Variants in KANSL1 observed in about 807,000 individuals in gnomAD.
KANSL1 encodes the protein MLL1/MLL complex subunit KANSL1.
In KANSL1, 22 loss-of-function variants were observed where a neutral mutation model predicts 103.6. That is an observed-to-expected ratio of 0.21 (90% confidence interval 0.15 to 0.30). The LOEUF is 0.30. Among genes scored for constraint, KANSL1 ranks in the 10% least tolerant of loss-of-function variants. The probability of loss-of-function intolerance (pLI) is 1.00; values close to 1 mark genes in which losing one functional copy is unlikely to be tolerated. For missense variants in KANSL1, 1,337 were observed against 1,399.8 expected (o/e 0.96, Z 0.72); for synonymous variants, 600 against 527.6 (o/e 1.14, Z -1.88).
intron 2 of KANSL1, among the ~76,000 whole-genome samples, chr17:46,161,709 A>T (rs1421145077): frequency 6.6e-6 from 1 of 152,226 alleles, no homozygotes; most frequent in East Asian, 1.9e-4. Context: ...TTATAAGAAC[A>T]TGATTTTAAA....
chr17:46,083,124 A>G (rs879447568), intron 3 of KANSL1, among the ~76,000 whole-genome samples: 2 of 152,172 alleles, frequency 1.3e-5, no homozygotes, highest in Non-Finnish European at 2.9e-5. Context: ...TCAAATTCAG[A>G]CCTTTGGAAA....
intron 2 of KANSL1, among the ~76,000 whole-genome samples, chr17:46,153,999 C>T (rs929183844): frequency 6.6e-6 from 1 of 152,124 alleles, no homozygotes; most frequent in African/African-American, 2.4e-5. Flanking sequence ...CTCAACTATA[C>T]CCCCCTCTAA....
chr17:46,161,350 G>A (rs1179763534), intron 2 of KANSL1, among the ~76,000 whole-genome samples: 3 of 151,862 alleles, frequency 2.0e-5, no homozygotes, highest in Non-Finnish European at 2.9e-5. Flanking sequence ...GCAGGAGAAT[G>A]GCGTGAACCT....
chr17:46,109,931 T>G (rs1400405692), intron 2 of KANSL1, among the ~76,000 whole-genome samples: 1 of 152,230 alleles, frequency 6.6e-6, no homozygotes, highest in Admixed American at 6.5e-5. Context: ...AATTCCAGCA[T>G]GCACAGCAAA....
At chr17:46,047,512 C>T (rs1048447675) in intron 7 of KANSL1, among the ~76,000 whole-genome samples, 5 of 152,082 alleles carry the variant, frequency 3.3e-5, no homozygotes, top group Non-Finnish European at 7.4e-5. Flanking sequence ...TCAGGCCGGG[C>T]GTGGTGGTTT....
chr17:46,167,787 T>C (rs1028026923), intron 2 of KANSL1, among the ~76,000 whole-genome samples: 2 of 152,200 alleles, frequency 1.3e-5, no homozygotes, highest in Non-Finnish European at 2.9e-5. Context: ...CATAGAAAAA[T>C]TAATCATTCT....
At chr17:46,159,338 G>A (rs2045608931) in intron 2 of KANSL1, among the ~76,000 whole-genome samples, 1 of 152,210 alleles carries the variant, frequency 6.6e-6, no homozygotes, top group African/African-American at 2.4e-5. Context: ...CTTAACAGTT[G>A]TCCAGAATTC....
At chr17:46,072,830 A>G (rs1371652918) in intron 4 of KANSL1, among the ~76,000 whole-genome samples, 1 of 152,218 alleles carries the variant, frequency 6.6e-6, no homozygotes, top group Non-Finnish European at 1.5e-5. Context: ...TAAAGTTTTG[A>G]TTAGCATAAT....
chr17:46,086,705 G>A (rs746669557), intron 3 of KANSL1, among the ~76,000 whole-genome samples: 1 of 152,172 alleles, frequency 6.6e-6, no homozygotes, highest in Non-Finnish European at 1.5e-5. Flanking sequence ...TGTAATTCCA[G>A]CACTTTGGGA....
intron 3 of KANSL1, among the ~76,000 whole-genome samples, chr17:46,091,684 C>G (rs1465866103): frequency 1.3e-5 from 2 of 152,118 alleles, no homozygotes; most frequent in African/African-American, 2.4e-5. Context: ...TAATTGCCTA[C>G]AGTATTCAGT....
intron 10 of KANSL1, among the ~76,000 whole-genome samples, chr17:46,036,436 G>GT (rs1349036608): frequency 2.0e-5 from 3 of 152,166 alleles, no homozygotes. Flanking sequence ...GAAAAAAATT[G>GT]TGTCTGTACT....
intron 1 of KANSL1, among the ~76,000 whole-genome samples, chr17:46,189,703 G>C (rs932435425): frequency 5.3e-5 from 8 of 152,090 alleles, no homozygotes; most frequent in African/African-American, 1.7e-4. Flanking sequence ...GGCCAACATG[G>C]TGAAACCCCC....
chr17:46,112,724 A>T lies in KANSL1; in HGVS notation c.1290-18023T>A, dbSNP rs1232752880. On this transcript the variant is annotated intron_variant, in intron 2 of 14. Transcript: ENST00000432791. Reference sequence around the variant, plus strand: ...ACAAAACAAAAAACTGGGCAGATAAATTTTTTTTTTTTTTGAGATGGAGTG... The same window carrying T: ...ACAAAACAAAAAACTGGGCAGATAATTTTTTTTTTTTTTTGAGATGGAGTG... Among the ~76,000 whole-genome samples, 7 of 145,874 alleles carry T rather than the reference A, an allele frequency of 4.8e-5. No homozygotes were observed. The East Asian group carries it at 1.0e-3, about 21-fold the overall frequency.
chr17:46,167,073 G>GGA (rs989345027), intron 2 of KANSL1, among the ~76,000 whole-genome samples: 4 of 150,654 alleles, frequency 2.7e-5, no homozygotes. Context: ...AAAAAACTTA[G>GGA]GAGAGAGAGA....
chr17:46,118,072 AG>A (rs1349849504), intron 2 of KANSL1, among the ~76,000 whole-genome samples: 2 of 152,270 alleles, frequency 1.3e-5, no homozygotes, highest in East Asian at 3.9e-4. Flanking sequence ...CCCCCACCCC[AG>A]AAAAAGTCCA....
At chr17:46,102,668 A>C (rs938790617) in intron 2 of KANSL1, among the ~76,000 whole-genome samples, 1 of 152,194 alleles carries the variant, frequency 6.6e-6, no homozygotes, top group African/African-American at 2.4e-5. Flanking sequence ...AAATTTGTGT[A>C]GTTTTGGTAG....
chr17:46,079,876 C>T (rs937525187), intron 4 of KANSL1, among the ~76,000 whole-genome samples: 1 of 152,132 alleles, frequency 6.6e-6, no homozygotes, highest in Middle Eastern at 3.4e-3. Context: ...ACTTGGGAAG[C>T]TGAGGTGGGA....
At chr17:46,098,206 T>C (rs2042163414) in intron 2 of KANSL1, among the ~76,000 whole-genome samples, 1 of 150,418 alleles carries the variant, frequency 6.6e-6, no homozygotes, top group African/African-American at 2.5e-5. Context: ...TTAACCCTCG[T>C]ATTTTATTCC....
At chr17:46,180,196 A>C (rs2046717399) in intron 1 of KANSL1, among the ~76,000 whole-genome samples, 1 of 152,118 alleles carries the variant, frequency 6.6e-6, no homozygotes, top group Non-Finnish European at 1.5e-5. Context: ...CTTAATTCAG[A>C]CTTAAAGACA....
Sources: gnomAD v4.1 joint callset for allele counts (sites outside exome capture counted in the v4.1 genomes callset) on GRCh38, gnomAD v4.1.1 for gene constraint, MANE v1.5 for transcripts, NCBI Gene and HGNC (gene_info 2026-07-23, HGNC 2026-07-21) for gene names.